The following LRP2 variants were observed in gnomAD, a reference collection of about 807,000 sequenced individuals.
LRP2 encodes the protein LDL receptor related protein 2.
In LRP2, 172 loss-of-function variants were observed where a neutral mutation model predicts 531.0. The observed-to-expected ratio is 0.32, with a 90% confidence interval of 0.29 to 0.37. LRP2 has a LOEUF of 0.37. Among genes scored for constraint, LRP2 ranks in the 10% least tolerant of loss-of-function variants. LRP2 has a pLI of 1.00. For synonymous variants in LRP2, 1,992 were observed against 2,027.6 expected (o/e 0.98, Z 0.47); for missense variants, 5,167 against 5,868.3 (o/e 0.88, Z 3.90).
At chr2:169,170,503 A>T in intron 59 of LRP2, 48 bp downstream of exon 59, 1 of 1,438,928 alleles carries the variant, frequency 6.9e-7, no homozygotes, top group Non-Finnish European at 9.8e-7. Flanking sequence ...AAGCCCCTAC[A>T]CTGTCACAGT....
Position 169,129,964 on chromosome 2 carries a change from G to C in LRP2, c.13729-880C>G, listed in dbSNP as rs981439651. Among the ~76,000 whole-genome samples the C allele has an allele frequency of 2.0e-5, 3 of 152,298 alleles. No individual in the cohort carries two copies. In the East Asian group the frequency reaches 5.8e-4, roughly 29 times the overall value. ...TGTCTCTTACTCTGTGACAGCAGGG[G>C]ACCAGCCTGTGGAGGAGTGGGGAAC... is the stretch of plus-strand genomic sequence containing the variant. On this transcript the variant is annotated intron_variant, in intron 77 of 78. Coordinates refer to ENST00000649046, the MANE Select transcript of LRP2 (RefSeq NM_004525.3).
chr2:169,214,018 A>G (rs1688688673), intron 35 of LRP2, 148 bp from the exon 36 acceptor site: 7 of 670,216 alleles, frequency 1.0e-5, no homozygotes, highest in Admixed American at 2.3e-5. Context: ...TTCTGATTTG[A>G]TCATCACAAC....
intron 16 of LRP2, among the ~76,000 whole-genome samples, chr2:169,270,478 T>A (rs6706290): frequency 6.6e-6 from 1 of 151,616 alleles, no homozygotes; most frequent in South Asian, 2.1e-4. Context: ...AAATTGGAAA[T>A]CATCATTCTC....
At chr2:169,196,167 G>A (rs1367656322) in intron 46 of LRP2, among the ~76,000 whole-genome samples, 4 of 152,234 alleles carry the variant, frequency 2.6e-5, no homozygotes, top group South Asian at 2.1e-4. Flanking sequence ...CCTACAGGAC[G>A]TGGCCATAGT....
intron 55 of LRP2, among the ~76,000 whole-genome samples, chr2:169,174,462 C>T (rs1307094776): frequency 6.6e-6 from 1 of 152,160 alleles, no homozygotes; most frequent in African/African-American, 2.4e-5. Flanking sequence ...AGTCTTCAAA[C>T]TTTGTGTTTG....
At position 169,207,298 on chromosome 2, in the gene LRP2, A is replaced by G. The variant is rs551896090; in HGVS notation, c.6470-48T>C. 1.0e-4 allele frequency: 134 copies of G among 1,322,456 alleles called. No individual in the cohort carries two copies. In the East Asian group the frequency reaches 2.0e-3, roughly 20 times the overall value. The allele number at this position is 1,322,456 out of a possible 1,614,324, so 81.9% of individuals were successfully genotyped here. A position where few individuals can be genotyped will look rare whatever the true frequency, so the allele number is the denominator to read the frequency against. ...TGCTGATCAATGGAGAACCAAGAAG[A>G]AAAAAAGGGAGAACTTTACAAATTC... is the stretch of plus-strand genomic sequence containing the variant. On this transcript the variant is annotated intron_variant, in intron 38 of 78. Transcript: ENST00000649046.
chr2:169,204,676 G>A (rs908556631), intron 41 of LRP2, among the ~76,000 whole-genome samples: 1 of 152,122 alleles, frequency 6.6e-6, no homozygotes, highest in South Asian at 2.1e-4. Flanking sequence ...TGTTTACCTA[G>A]AATAATCCAA....
intron 31 of LRP2, among the ~76,000 whole-genome samples, chr2:169,229,714 C>T (rs1189872142): frequency 6.6e-6 from 1 of 152,188 alleles, no homozygotes; most frequent in African/African-American, 2.4e-5. Flanking sequence ...ACTGTAACCA[C>T]TATTGGCACT....
Position 169,154,448 on chromosome 2 carries a change from G to T in LRP2, c.12295+12C>A. 1 of 1,610,228 alleles carries T rather than the reference G, an allele frequency of 6.2e-7. No homozygotes were observed. The highest frequency in any genetic ancestry group is 2.2e-5 in the East Asian group (1 of 44,828). ...CTTAATATCAATGAAAGATGCCAAA[G>T]TTTATACTCACTGAGGCCTATGTCC... On this transcript the variant is annotated intron_variant, in intron 66 of 78. Coordinates refer to ENST00000649046, the MANE Select transcript of LRP2 (RefSeq NM_004525.3).
chr2:169,269,076 A>G (rs1013072150), intron 16 of LRP2, among the ~76,000 whole-genome samples: 2 of 152,214 alleles, frequency 1.3e-5, no homozygotes, highest in African/African-American at 2.4e-5. Flanking sequence ...AAGGAGAACT[A>G]CAAACCACTG....
chr2:169,351,682 AT>A (rs760246551), intron 1 of LRP2, among the ~76,000 whole-genome samples: 17 of 152,218 alleles, frequency 1.1e-4, no homozygotes, highest in Non-Finnish European at 2.4e-4. Context: ...AAGAGAGGCA[AT>A]AGACAGACTA....
chr2:169,313,854 G>C (rs758950200), intron 3 of LRP2, among the ~76,000 whole-genome samples: 2 of 152,184 alleles, frequency 1.3e-5, no homozygotes, highest in Non-Finnish European at 2.9e-5. Context: ...GCTAGGATTT[G>C]AATGCCACAA....
chr2:169,362,243 C>A, intron 1 of LRP2, 78 bp downstream of exon 1: 1 of 1,308,664 alleles, frequency 7.6e-7, no homozygotes, highest in South Asian at 1.3e-5. Flanking sequence ...ACGCTCTCCC[C>A]TCCGGCCTCC....
At chr2:169,345,461 C>T (rs899295608) in intron 1 of LRP2, among the ~76,000 whole-genome samples, 6 of 152,058 alleles carry the variant, frequency 3.9e-5, no homozygotes, top group Non-Finnish European at 7.4e-5. Flanking sequence ...CTGGGAAGGT[C>T]AGTTTTCAAA....
At chr2:169,239,866 A>T in intron 25 of LRP2, 91 bp from the exon 26 acceptor site, 2 of 1,116,862 alleles carry the variant, frequency 1.8e-6, no homozygotes, top group Admixed American at 1.9e-5. Flanking sequence ...ATGCAGTCTC[A>T]TGCCACCTTC....
chr2:169,167,850 A>C (rs999385060), intron 61 of LRP2, among the ~76,000 whole-genome samples: 6 of 151,354 alleles, frequency 4.0e-5, no homozygotes, highest in African/African-American at 1.5e-4. Context: ...CTAAACTAAA[A>C]GGCTAAGAAG....
intron 3 of LRP2, among the ~76,000 whole-genome samples, chr2:169,314,416 C>A (rs976607506): frequency 5.1e-5 from 7 of 137,116 alleles, no homozygotes; most frequent in African/African-American, 2.1e-4. Context: ...AAGCAAGACC[C>A]CTGTCTCTAA....
At chr2:169,241,852 A>G (rs948557144) in intron 24 of LRP2, among the ~76,000 whole-genome samples, 2 of 152,228 alleles carry the variant, frequency 1.3e-5, no homozygotes, top group East Asian at 1.9e-4. Flanking sequence ...CTAACTAAAG[A>G]TGATGGTAAA....
chr2:169,182,398 A>G, intron 50 of LRP2, 79 bp from the exon 51 acceptor site: 1 of 1,598,560 alleles, frequency 6.3e-7, no homozygotes, highest in Non-Finnish European at 8.5e-7. Flanking sequence ...TTTCCTACCC[A>G]AGCTACCTGA....
Sources: gnomAD v4.1 joint callset for allele counts (sites outside exome capture counted in the v4.1 genomes callset) on GRCh38, gnomAD v4.1.1 for gene constraint, MANE v1.5 for transcripts, NCBI Gene and HGNC (gene_info 2026-07-23, HGNC 2026-07-21) for gene names.